Variants in CDNF observed in about 807,000 individuals in gnomAD.
CDNF encodes the protein ARMET-like protein 1.
Under a neutral mutation model 14.8 loss-of-function variants are expected in CDNF, and 9 were observed. The ratio of observed to expected loss-of-function variants is 0.61; its 90% CI spans 0.37 to 1.06. CDNF has a LOEUF of 1.06. Among genes scored for constraint, CDNF ranks in the 50% least tolerant of loss-of-function variants. CDNF has a pLI of 0.01. For synonymous variants in CDNF, 86 were observed against 87.2 expected, an observed-to-expected ratio of 0.99 and a Z score of 0.07; for missense variants, 228 against 228.4, an observed-to-expected ratio of 1.00 and a Z score of 0.01.
chr10:14,830,385 C>T (rs919545551), intron 1 of CDNF, among the ~76,000 whole-genome samples: 1 of 152,190 alleles, frequency 6.6e-6, no homozygotes, highest in Non-Finnish European at 1.5e-5. Context: ...TACCTGAAGC[C>T]ACTGCAGGGG....
intron 3 of CDNF, among the ~76,000 whole-genome samples, chr10:14,823,306 G>T (rs981452335): frequency 3.3e-5 from 5 of 152,080 alleles, no homozygotes; most frequent in African/African-American, 1.2e-4. Flanking sequence ...CAAAGTAAAG[G>T]TCCACACAAA....
chr10:14,826,400 C>A (rs992927649), intron 2 of CDNF, among the ~76,000 whole-genome samples: 1 of 143,670 alleles, frequency 7.0e-6, no homozygotes, highest in Non-Finnish European at 1.5e-5. Context: ...GCAGAAGAAG[C>A]AGCAGCAGCA....
At position 14,837,895 on chromosome 10, in the gene CDNF, C is replaced by T. The variant is rs1312035672; in HGVS notation, c.52G>A (p.Val18Ile). 1.2e-6 allele frequency: 2 copies of T among 1,607,458 alleles called. No individual in the cohort carries two copies. Among genetic ancestry groups the T allele is most frequent in the Middle Eastern group, 3.3e-4 (2 of 6,068 alleles). Reference protein sequence around the residue: ...AVVAFCAGLLVSHPVLTQGQE... With the variant: ...AVVAFCAGLLISHPVLTQGQE... ...CCCTGCGTCAGCACCGGGTGAGAGA[C>T]CAAAAGCCCGGCGCAAAAGGCCACC... Residue 18 changes from valine (V) to isoleucine (I), a missense_variant, in exon 1 of 4, where the codon GTC becomes ATC. Val to Ile is a conservative substitution (Grantham distance 29). Transcript: ENST00000465530.
Position 14,825,479 on chromosome 10 carries a change from C to A in CDNF, c.385G>T (p.Glu129Ter), listed in dbSNP as rs1397026582. The change falls in exon 3 of 4, where the codon GAA (glutamate) becomes TAA (stop). Residue 129 changes from glutamate (E) to a stop codon, truncating the protein, a stop_gained and splice_region_variant. Transcript: ENST00000465530. LOFTEE classifies it low-confidence loss of function (END_TRUNC). ...LDSQICELKY[E>*]KTLDLASVDL... ...GGAAAAACACGGGGCTGTGTTATAC[C>A]ATATTTCAGCTCACAGATCTGGCTA... is the stretch of plus-strand genomic sequence containing the variant. The A allele has an allele frequency of 1.9e-6, 3 of 1,613,578 alleles. No homozygotes were observed. The highest frequency in any genetic ancestry group is 2.5e-6 in the Non-Finnish European group (3 of 1,179,852).
At chr10:14,822,325 A>G (rs1833744347) in intron 3 of CDNF, among the ~76,000 whole-genome samples, 2 of 151,874 alleles carry the variant, frequency 1.3e-5, no homozygotes, top group Admixed American at 6.5e-5. Flanking sequence ...AAAAGATTGA[A>G]AAAAAGCCCA....
intron 3 of CDNF, among the ~76,000 whole-genome samples, chr10:14,821,912 G>A (rs1833741557): frequency 6.6e-6 from 1 of 152,190 alleles, no homozygotes; most frequent in African/African-American, 2.4e-5. Context: ...AAAAGTTATG[G>A]TTCACTTTTT....
rs1043819539 is a variant in CDNF, at chr10:14,826,507, A to C, written c.244-887T>G. Among the ~76,000 whole-genome samples, 14 of 151,802 alleles carry C rather than the reference A, an allele frequency of 9.2e-5. No homozygotes were observed. In the East Asian group the frequency reaches 1.2e-3, roughly 13 times the overall value. ...AAAGAAGAAGAAGAAGAAGAAAAAG[A>C]AGCAGCAGAAGCAGCAGAAGCAGAA... On this transcript the variant is annotated intron_variant, in intron 2 of 3. Coordinates refer to ENST00000465530, the MANE Select transcript of CDNF (RefSeq NM_001029954.3).
At chr10:14,826,394 AAGAAGCAGCAGCAGCAGC>A (rs914525877) in intron 2 of CDNF, among the ~76,000 whole-genome samples, 6 of 151,520 alleles carry the variant, frequency 4.0e-5, no homozygotes, top group Non-Finnish European at 5.9e-5. Flanking sequence ...GAAGAAGCAG[AAGAAGCAGCAGCAGCAGC>A]AGAAGCAGCA....
At chr10:14,825,823 A>AC (rs1833774910) in intron 2 of CDNF, among the ~76,000 whole-genome samples, 1 of 151,642 alleles carries the variant, frequency 6.6e-6, no homozygotes, top group African/African-American at 2.4e-5. Context: ...ACATGGTGAA[A>AC]CCCCATCTCT....
chr10:14,819,641 A>G lies in CDNF; in HGVS notation c.*339T>C, dbSNP rs1363998188. The G allele has an allele frequency of 5.3e-6, 1 of 190,142 alleles. No homozygotes were observed. The highest frequency in any genetic ancestry group is 6.0e-5 in the Admixed American group (1 of 16,634). 11.8% of individuals were successfully genotyped at this position (190,142 alleles called of 1,614,324 possible). A position where few individuals can be genotyped will look rare whatever the true frequency, so the allele number is the denominator to read the frequency against. On this transcript the variant is annotated 3_prime_UTR_variant, in exon 4 of 4. Transcript: ENST00000465530. ...CAATATATTTTAAAATTGCATCCAG[A>G]GAGGAGTCTCTGAATGCCTTCTTCT...
At chr10:14,828,455 C>T (rs113159151) in intron 1 of CDNF, among the ~76,000 whole-genome samples, 183 bp from the exon 2 acceptor site, 7 of 151,632 alleles carry the variant, frequency 4.6e-5, no homozygotes, top group African/African-American at 9.7e-5. Context: ...GAGACCATCC[C>T]GGCCAACATG....
chr10:14,829,780 C>T (rs1181638581), intron 1 of CDNF, among the ~76,000 whole-genome samples: 4 of 152,282 alleles, frequency 2.6e-5, no homozygotes, highest in Admixed American at 1.3e-4. Context: ...CAGGCGCTCG[C>T]CACCACACCC....
intron 1 of CDNF, among the ~76,000 whole-genome samples, chr10:14,835,641 A>G (rs148983597): frequency 1.3e-5 from 2 of 151,604 alleles, no homozygotes; most frequent in African/African-American, 4.8e-5. Context: ...TGTTTATTAA[A>G]GATAGTTTTA....
At chr10:14,833,839 C>G (rs1833865046) in intron 1 of CDNF, among the ~76,000 whole-genome samples, 1 of 152,110 alleles carries the variant, frequency 6.6e-6, no homozygotes, top group Admixed American at 6.6e-5. Flanking sequence ...CGGAAAGGAG[C>G]AGCCAGTGAA....
At chr10:14,837,797 G>A in intron 1 of CDNF, 35 bp downstream of exon 1, 3 of 1,347,146 alleles carry the variant, frequency 2.2e-6, no homozygotes, top group Non-Finnish European at 3.1e-6. Flanking sequence ...GCAGCGCGGG[G>A]CCGCCGCCAT....
At chr10:14,837,547 G>C (rs1833903232) in intron 1 of CDNF, among the ~76,000 whole-genome samples, 1 of 152,220 alleles carries the variant, frequency 6.6e-6, no homozygotes, top group African/African-American at 2.4e-5. Flanking sequence ...AGTATCATCT[G>C]AATCTAGCAT....
intron 1 of CDNF, among the ~76,000 whole-genome samples, chr10:14,834,650 C>T (rs1564316113): frequency 6.6e-6 from 1 of 152,118 alleles, no homozygotes; most frequent in African/African-American, 2.4e-5. Context: ...CTACCATATG[C>T]CATGCACTAT....
chr10:14,825,442 T>C (rs753883042), intron 3 of CDNF, 37 bp downstream of exon 3: 7 of 1,598,442 alleles, frequency 4.4e-6, no homozygotes, highest in South Asian at 3.3e-5. Flanking sequence ...TGGGAATCCA[T>C]TGGACCTACT....
chr10:14,828,582 G>T (rs1833818761), intron 1 of CDNF, among the ~76,000 whole-genome samples: 1 of 151,668 alleles, frequency 6.6e-6, no homozygotes, highest in African/African-American at 2.4e-5. Flanking sequence ...AGCAGGTGGA[G>T]ATTGCAGTGA....
Sources: allele counts gnomAD v4.1 joint callset (sites outside exome capture counted in the v4.1 genomes callset), GRCh38; gene constraint gnomAD v4.1.1; transcripts MANE v1.5; gene names NCBI Gene and HGNC (gene_info 2026-07-23, HGNC 2026-07-21).